TNRC18: variants seen among roughly 807,000 people sequenced by gnomAD.
TNRC18 encodes trinucleotide repeat containing 18.
In TNRC18, 69 loss-of-function variants were observed where a neutral mutation model predicts 226.7. The ratio of observed to expected loss-of-function variants is 0.30; its 90% CI spans 0.25 to 0.37. The LOEUF is 0.37. TNRC18 is among the 10% of genes least tolerant of loss of function. The probability of loss-of-function intolerance (pLI) is 1.00; values close to 1 mark genes in which losing one functional copy is unlikely to be tolerated. For synonymous variants in TNRC18, 2,449 were observed against 1,927.6 expected (o/e 1.27, Z -7.09); for missense variants, 4,754 against 4,256.6 (o/e 1.12, Z -3.25).
In TNRC18 at chr7:5,309,345, G is replaced by C; in HGVS notation, c.8412C>G (p.Ala2804=). ...PTQRRGMKGK[A]RKLFYKAIVR... is the part of the protein sequence containing the mutation. ...CGATGGCCTTGTAGAAGAGCTTGCGGGCCTTGCCCTTCATGCCACGCCGCT... is the reference window on the plus strand; with the variant it reads ...CGATGGCCTTGTAGAAGAGCTTGCGCGCCTTGCCCTTCATGCCACGCCGCT... The change falls in exon 28 of 30, where the codon GCC becomes GCG. Residue 2804 remains alanine, a synonymous_variant. Transcript: ENST00000430969. The surrounding 1 kb of genome is among the most constrained non-coding windows in gnomAD (Gnocchi z 5.7). 1 of 1,613,406 alleles carries C rather than the reference G, an allele frequency of 6.2e-7. No individual in the cohort carries two copies. The highest frequency in any genetic ancestry group is 1.1e-5 in the South Asian group (1 of 90,986).
intron 10 of TNRC18, among the ~76,000 whole-genome samples, chr7:5,372,070 A>ATT (rs35270494): frequency 1.4e-5 from 2 of 144,798 alleles, no homozygotes; most frequent in Non-Finnish European, 1.5e-5. Context: ...CGCCTGGCTA[A>ATT]TTTTTTTTTT....
At position 5,308,966 on chromosome 7, in the gene TNRC18, G is replaced by C. The variant is rs757386421; in HGVS notation, c.8626-17C>G. The C allele has an allele frequency of 4.4e-6, 7 of 1,594,228 alleles. No individual in the cohort carries two copies. The African/African-American group carries it at 8.0e-5, about 18-fold the overall frequency. ...GTCCCAGTGCTGTGTGGGGGAGAGA[G>C]GAGGGGCTTGGGTGAGCCCGGGGGC... On this transcript the variant is annotated splice_polypyrimidine_tract_variant and intron_variant, in intron 28 of 29. Transcript: ENST00000430969.
chr7:5,389,286 C>G lies in TNRC18; in HGVS notation c.538G>C (p.Ala180Pro). The G allele has an allele frequency of 7.8e-7, 1 of 1,289,300 alleles. No individual in the cohort carries two copies. The highest frequency in any genetic ancestry group is 9.8e-7 in the Non-Finnish European group (1 of 1,019,718). 79.9% of individuals were successfully genotyped at this position (1,289,300 alleles called of 1,614,324 possible). The change falls in exon 5 of 30, where the codon GCG becomes CCG. Residue 180 changes from alanine to proline, a missense_variant. By Grantham distance (27) the Ala-to-Pro change is conservative. Transcript: ENST00000430969. ...CCGCCAGGGGTCCGGGCCGAGGGCG[C>G]GTGAGAGTGCAGGGAGCCCGGAGCC... ...AGAPGSLHSH[A>P]PSARTPGGGH... is the part of the protein sequence containing the mutation.
chr7:5,320,093 G>A (rs1788195485), intron 24 of TNRC18: 4 of 535,898 alleles, frequency 7.5e-6, no homozygotes, highest in African/African-American at 3.8e-5. Context: ...CTAGTGTGAA[G>A]CCAGCACAGA....
chr7:5,416,521 G>C (rs1584128852), intron 2 of TNRC18, among the ~76,000 whole-genome samples: 1 of 152,268 alleles, frequency 6.6e-6, no homozygotes, highest in African/African-American at 2.4e-5. Context: ...AGGAGTTTGA[G>C]ACCAGCTGGA....
chr7:5,340,781 C>T (rs949928345), intron 18 of TNRC18, among the ~76,000 whole-genome samples: 72 of 151,818 alleles, frequency 4.7e-4, no homozygotes, highest in Admixed American at 8.5e-4. Flanking sequence ...AAGCCGTCTC[C>T]ATAACATAAA....
At chr7:5,345,517 G>GGGGGGCGCCCCCCCCCCCCCCCCCCC in intron 18 of TNRC18, 45 bp downstream of exon 18, 1 of 377,744 alleles carries the variant, frequency 2.6e-6, no homozygotes, top group Non-Finnish European at 4.8e-6. Context: ...AATGGCGTCC[G>GGGGGGCGCCCCCCCCCCCCCCCCCCC]CCCCTCCCAC....
Position 5,325,241 on chromosome 7 carries a change from T to C in TNRC18, c.6155A>G (p.Lys2052Arg). 6 of 1,552,240 alleles carry C rather than the reference T, an allele frequency of 3.9e-6. No individual in the cohort carries two copies. Among genetic ancestry groups the C allele is most frequent in the Non-Finnish European group, 5.2e-6 (6 of 1,153,730 alleles). ...AGCTCCTGGCCCAGCCTCTTTCCCTTTCTTCTTCTGGAGGAGGAAGCAGCA... is the reference window on the plus strand; with the variant it reads ...AGCTCCTGGCCCAGCCTCTTTCCCTCTCTTCTTCTGGAGGAGGAAGCAGCA... ...KDRKDPRKKKKGKEAGPGAGL... is the reference protein window; with the variant it reads ...KDRKDPRKKKRGKEAGPGAGL... Residue 2052 changes from lysine to arginine, a missense_variant, in exon 20 of 30, where the codon AAA becomes AGA. By Grantham distance (26) the Lys-to-Arg change is conservative (BLOSUM62 2). Transcript: ENST00000430969.
rs1331953252 is a variant in TNRC18 at position 5,356,924 on chromosome 7, T to C, written c.5186A>G (p.Tyr1729Cys). ...HSPFASEVSSYSYNTDSEEDE... is the reference protein window; with the variant it reads ...HSPFASEVSSCSYNTDSEEDE... The stretch of plus-strand genomic sequence containing the variant: ...CGGCATACGCTACTTACTGTAAGAG[T>C]AGCTGCTCACTTCCGAGGCAAACGG... Residue 1729 changes from tyrosine (Y) to cysteine (C), a missense_variant, in exon 16 of 30, where the codon TAC becomes TGC. Physicochemically the swap from Tyr to Cys is radical, Grantham distance 194 (BLOSUM62 -2). Transcript: ENST00000430969. 7 of 1,543,832 alleles carry C rather than the reference T, an allele frequency of 4.5e-6. No homozygotes were observed. The highest frequency in any genetic ancestry group is 8.7e-7 in the Non-Finnish European group (1 of 1,143,202).
chr7:5,345,517 G>GACCCCCCCCCCCCCCC, intron 18 of TNRC18, 45 bp downstream of exon 18: 2 of 377,744 alleles, frequency 5.3e-6, no homozygotes, highest in Non-Finnish European at 9.7e-6. Flanking sequence ...AATGGCGTCC[G>GACCCCCCCCCCCCCCC]CCCCTCCCAC....
intron 2 of TNRC18, among the ~76,000 whole-genome samples, chr7:5,403,549 T>C (rs1174239762): frequency 6.6e-6 from 1 of 151,972 alleles, no homozygotes; most frequent in East Asian, 1.9e-4. Context: ...TCCTAGGACT[T>C]TGGGAGGCTG....
rs1331124127 is a variant in TNRC18 at position 5,374,442 on chromosome 7, C to G, written c.2842G>C (p.Glu948Gln). 1.9e-6 allele frequency: 3 copies of G among 1,546,464 alleles called. No homozygotes were observed. Among genetic ancestry groups the G allele is most frequent in the Non-Finnish European group, 1.7e-6 (2 of 1,145,464 alleles). Residue 948 changes from glutamate (E) to glutamine (Q), a missense_variant, in exon 10 of 30, where the codon GAG becomes CAG. Physicochemically the swap from Glu to Gln is conservative, Grantham distance 29. Transcript: ENST00000430969. ...TCCAGGCCCCGCTTGCTCCCCTTCTCTTCCATCTCCGCCCGGTGCTCCTGC... is the reference window on the plus strand; with the variant it reads ...TCCAGGCCCCGCTTGCTCCCCTTCTGTTCCATCTCCGCCCGGTGCTCCTGC... ...KAQEHRAEME[E>Q]KGSKRGLEAA...
intron 18 of TNRC18, among the ~76,000 whole-genome samples, chr7:5,343,281 G>A (rs1235535183): frequency 1.3e-5 from 2 of 152,114 alleles, no homozygotes; most frequent in African/African-American, 2.4e-5. Flanking sequence ...TTGAATCCAG[G>A]AGGTGGAGAT....
intron 18 of TNRC18, 41 bp downstream of exon 18, chr7:5,345,521 C>CCCCCCCCCCCCCCCCCCCCCCCCCCCCCA: frequency 1.6e-5 from 3 of 189,874 alleles, no homozygotes; most frequent in East Asian, 1.9e-4. Flanking sequence ...GCGTCCGCCC[C>CCCCCCCCCCCCCCCCCCCCCCCCCCCCCA]TCCCACCCAC....
chr7:5,359,341 C>T (rs1289289448), intron 15 of TNRC18, 57 bp downstream of exon 15: 34 of 1,589,838 alleles, frequency 2.1e-5, no homozygotes, highest in Non-Finnish European at 1.7e-6. Flanking sequence ...ACTCTTAACA[C>T]ACCCTCCAGA....
chr7:5,363,629 GGA>G (rs1202743863), intron 11 of TNRC18, among the ~76,000 whole-genome samples: 1 of 152,004 alleles, frequency 6.6e-6, no homozygotes, highest in Non-Finnish European at 1.5e-5. Flanking sequence ...CAATCGAACA[GGA>G]GAGAAGGCAG....
In TNRC18 at chr7:5,361,099, G is replaced by C. The variant is rs550417165; in HGVS notation, c.4661+495C>G. Among the ~76,000 whole-genome samples, 3 of 152,202 alleles carry C rather than the reference G, an allele frequency of 2.0e-5. No individual in the cohort carries two copies. In the South Asian group the frequency reaches 6.2e-4, roughly 32 times the overall value. ...GCTGGCGTTCAGAAAGACCCACACA[G>C]GTGCCCCACAAGGCTGCGACCGCCG... On this transcript the variant is annotated intron_variant, in intron 14 of 29. Coordinates refer to ENST00000430969, the MANE Select transcript of TNRC18 (RefSeq NM_001080495.3).
chr7:5,416,144 G>A (rs1313238029), intron 2 of TNRC18, among the ~76,000 whole-genome samples: 3 of 148,478 alleles, frequency 2.0e-5, no homozygotes, highest in East Asian at 2.0e-4. Context: ...GCCAAGCGCG[G>A]TGGCTCAAGC....
At chr7:5,374,519 A>C (rs1289341300) in intron 9 of TNRC18, 35 bp from the exon 10 acceptor site, 4 of 1,526,166 alleles carry the variant, frequency 2.6e-6, no homozygotes, top group South Asian at 1.2e-5. Flanking sequence ...TCAGCACGGC[A>C]CGAGTTTCCC....
Sources: gnomAD v4.1 joint callset for allele counts (sites outside exome capture counted in the v4.1 genomes callset) on GRCh38, gnomAD v4.1.1 for gene constraint, Gnocchi (gnomAD v3.1) non-coding constraint, MANE v1.5 for transcripts, NCBI Gene and HGNC (gene_info 2026-07-23, HGNC 2026-07-21) for gene names.